The following ZNF362 variants were observed in gnomAD, a reference collection of about 807,000 sequenced individuals.
ZNF362 encodes the protein rotund homolog.
Under a neutral mutation model 42.9 loss-of-function variants are expected in ZNF362, and 11 were observed. The ratio of observed to expected loss-of-function variants is 0.26; its 90% CI spans 0.16 to 0.42. The LOEUF (loss-of-function observed/expected upper bound fraction) is 0.42, where lower values mean the gene tolerates loss of function less well. ZNF362 is among the 20% of genes least tolerant of loss of function. The probability of loss-of-function intolerance (pLI) is 1.00; values close to 1 mark genes in which losing one functional copy is unlikely to be tolerated. For synonymous variants in ZNF362, 255 were observed against 257.3 expected (o/e 0.99, Z 0.09); for missense variants, 362 against 576.2 (o/e 0.63, Z 3.81).
At chr1:33,264,497 T>C (rs1327585444) in intron 1 of ZNF362, among the ~76,000 whole-genome samples, 1 of 152,186 alleles carries the variant, frequency 6.6e-6, no homozygotes, top group African/African-American at 2.4e-5. Context: ...GTACAACCCA[T>C]GGAGATACCA....
At chr1:33,245,141 CAAGGCTGGGAAA>C in the ZNF362 span, among the ~76,000 whole-genome samples, 2 of 152,150 alleles carry the variant, frequency 1.3e-5, no homozygotes, top group Non-Finnish European at 2.9e-5. Context: ...GGTCCACCAT[CAAGGCTGGGAAA>C]AAGCTCTGAT....
chr1:33,283,193 T>C (rs1399644871), intron 6 of ZNF362, among the ~76,000 whole-genome samples: 1 of 152,200 alleles, frequency 6.6e-6, no homozygotes, highest in East Asian at 1.9e-4. Context: ...AGTGTCATGA[T>C]CTCGGATCAC....
Position 33,270,687 on chromosome 1 carries a change from G to A in ZNF362, c.38+75G>A, listed in dbSNP as rs140251313. On this transcript the variant is annotated intron_variant, in intron 2 of 8. Coordinates refer to ENST00000539719, the MANE Select transcript of ZNF362 (RefSeq NM_152493.3). ...TTTGGGGGATTAAAGCATTGTGTTC[G>A]TCCCACCTTCCCTGAGTGCCCCCGC... 4.8e-3 allele frequency: 7,555 copies of A among 1,577,210 alleles called. 237 individuals are homozygous for A. The South Asian group carries it at 0.053, about 11-fold the overall frequency.
At chr1:33,207,652 G>A in the ZNF362 span, among the ~76,000 whole-genome samples, 2 of 152,290 alleles carry the variant, frequency 1.3e-5, no homozygotes, top group Non-Finnish European at 2.9e-5. Flanking sequence ...TCTAACTGGC[G>A]TGAGATGGTA....
chr1:33,287,720 C>G lies in ZNF362; in HGVS notation c.908+5909C>G, dbSNP rs549927148. 3.3e-5 allele frequency among the ~76,000 whole-genome samples: 5 copies of G among 152,272 alleles called. No homozygotes were observed. The South Asian group carries it at 8.3e-4, about 25-fold the overall frequency. On this transcript the variant is annotated intron_variant, in intron 6 of 8. Coordinates refer to ENST00000539719, the MANE Select transcript of ZNF362 (RefSeq NM_152493.3). The stretch of plus-strand genomic sequence containing the variant: ...AAGTGTCCTTTTAGTTTTTTCAAGT[C>G]TGATAATAATGCTAATAACAACGAC...
At chr1:33,253,118 G>C (rs552058126), upstream of ZNF362, among the ~76,000 whole-genome samples, 34 of 151,066 alleles carry the variant, frequency 2.3e-4, no homozygotes, top group African/African-American at 7.8e-4. Flanking sequence ...CTACAGAGAT[G>C]AGATGAGGAG....
rs1408011240 is a variant in ZNF362, at chr1:33,294,412, C to T, written c.909-525C>T. The stretch of plus-strand genomic sequence containing the variant: ...GGGCTGAGCTTCAGGGCCATGCTGT[C>T]CCACATTCTCCCATTTACTGGGGTG... On this transcript the variant is annotated intron_variant, in intron 6 of 8. Transcript: ENST00000539719. The surrounding 1 kb of genome is among the most constrained non-coding windows in gnomAD (Gnocchi z 4.2). 1.3e-5 allele frequency among the ~76,000 whole-genome samples: 2 copies of T among 152,122 alleles called. No individual in the cohort carries two copies. Among genetic ancestry groups the T allele is most frequent in the African/African-American group, 2.4e-5 (1 of 41,410 alleles).
At chr1:33,283,620 G>T (rs1022199633) in intron 6 of ZNF362, among the ~76,000 whole-genome samples, 4 of 152,152 alleles carry the variant, frequency 2.6e-5, no homozygotes, top group African/African-American at 7.2e-5. Flanking sequence ...AGGATCGATT[G>T]CTTGAACTCA....
intron 6 of ZNF362, among the ~76,000 whole-genome samples, chr1:33,291,974 C>T (rs1172023129): frequency 2.0e-5 from 3 of 152,130 alleles, no homozygotes; most frequent in South Asian, 2.1e-4. Flanking sequence ...TGGGCTGAGA[C>T]GATGGGGTTT....
chr1:33,176,302 C>T, the ZNF362 span: 6 of 586,478 alleles, frequency 1.0e-5, no homozygotes, highest in African/African-American at 7.3e-5. Flanking sequence ...GAGGGTGTCA[C>T]CCCCTCTCCT....
In ZNF362 at chr1:33,270,571, A is replaced by G; in HGVS notation, c.-4A>G. 6.3e-7 allele frequency: 1 copy of G among 1,592,516 alleles called. No individual in the cohort carries two copies. The highest frequency in any genetic ancestry group is 8.6e-7 in the Non-Finnish European group (1 of 1,160,660). ...GAGGGAACACTTGAGCTGGGTCTTG[A>G]AGGATGAGTAGAAGTTCACCAAGTG... On this transcript the variant is annotated 5_prime_UTR_variant, in exon 2 of 9. Coordinates refer to ENST00000539719, the MANE Select transcript of ZNF362 (RefSeq NM_152493.3).
At chr1:33,279,131 C>T (rs982899832) in intron 4 of ZNF362, among the ~76,000 whole-genome samples, 3 of 151,870 alleles carry the variant, frequency 2.0e-5, no homozygotes, top group Non-Finnish European at 4.4e-5. Flanking sequence ...CTCAAGTGAT[C>T]CTCCCACCCC....
the ZNF362 span, among the ~76,000 whole-genome samples, chr1:33,174,676 T>G: frequency 6.6e-6 from 1 of 152,188 alleles, no homozygotes; most frequent in Admixed American, 6.5e-5. Context: ...TTTTGTTCCC[T>G]CTGTCCATAA....
the ZNF362 span, among the ~76,000 whole-genome samples, chr1:33,213,571 G>T: frequency 1.3e-5 from 2 of 152,068 alleles, no homozygotes; most frequent in Non-Finnish European, 2.9e-5. Flanking sequence ...TTGAGGCCAG[G>T]CGTGTTGGCT....
chr1:33,223,632 C>T, the ZNF362 span, among the ~76,000 whole-genome samples: 1 of 152,136 alleles, frequency 6.6e-6, no homozygotes, highest in South Asian at 2.1e-4. Context: ...GTGGCTCACG[C>T]CTGTAATCCC....
the ZNF362 span, chr1:33,181,747 G>A: frequency 2.5e-6 from 1 of 397,426 alleles, no homozygotes. The surrounding 1 kb of genome is among the most constrained non-coding windows in gnomAD (Gnocchi z 6.5). Flanking sequence ...TCTAGGGGGC[G>A]GGGCAGTCCT....
chr1:33,205,542 A>C, the ZNF362 span, among the ~76,000 whole-genome samples: 2 of 152,250 alleles, frequency 1.3e-5, no homozygotes, highest in South Asian at 4.1e-4. Flanking sequence ...GAAAAAAAAG[A>C]AGAAAGTTGA....
At chr1:33,227,125 A>G in the ZNF362 span, among the ~76,000 whole-genome samples, 1 of 152,168 alleles carries the variant, frequency 6.6e-6, no homozygotes, top group African/African-American at 2.4e-5. Context: ...GGATTGCACA[A>G]TTCTGTAAAT....
chr1:33,172,190 C>G, the ZNF362 span, among the ~76,000 whole-genome samples: 1 of 152,178 alleles, frequency 6.6e-6, no homozygotes, highest in Non-Finnish European at 1.5e-5. Context: ...CTCAATCAAT[C>G]TTAGTTGTCA....
Sources: gnomAD v4.1 joint callset for allele counts (sites outside exome capture counted in the v4.1 genomes callset) on GRCh38, gnomAD v4.1.1 for gene constraint, Gnocchi (gnomAD v3.1) non-coding constraint, MANE v1.5 for transcripts, NCBI Gene and HGNC (gene_info 2026-07-23, HGNC 2026-07-21) for gene names.